The following MAP3K9 variants were observed in gnomAD, a reference collection of about 807,000 sequenced individuals.
The protein encoded by MAP3K9 is mixed lineage kinase 1 (tyr and ser/thr specificity).
In MAP3K9, 46 loss-of-function variants were observed where a neutral mutation model predicts 95.8. That is an observed-to-expected ratio of 0.48 (90% CI 0.38 to 0.61). The LOEUF (loss-of-function observed/expected upper bound fraction) is 0.61, where lower values mean the gene tolerates loss of function less well. Among genes scored for constraint, MAP3K9 ranks in the 20% least tolerant of loss-of-function variants. MAP3K9 has a pLI of 0.00. For synonymous variants in MAP3K9, 533 were observed against 593.8 expected, an observed-to-expected ratio of 0.90 and a Z score of 1.49; for missense variants, 1,296 against 1,474.3, an observed-to-expected ratio of 0.88 and a Z score of 1.98.
intron 2 of MAP3K9, among the ~76,000 whole-genome samples, chr14:70,795,541 G>C (rs1343325522): frequency 7.3e-6 from 1 of 137,176 alleles, no homozygotes; most frequent in Non-Finnish European, 1.6e-5. Flanking sequence ...CAAACTCCTA[G>C]GCTCAAGAGA....
chr14:70,805,032 C>G lies in MAP3K9; in HGVS notation c.406+3734G>C, dbSNP rs112568085. ...CTCTCCTTCCCTTCCCTGCTCCAGT[C>G]AAGACCTGGTTTTAAGTAAGAATCA... On this transcript the variant is annotated intron_variant, in intron 1 of 11. Transcript: ENST00000554752. Among the ~76,000 whole-genome samples the G allele has an allele frequency of 4.0e-3, 614 of 152,302 alleles. 2 individuals are homozygous for G. The highest frequency in any genetic ancestry group is 6.6e-3 in the South Asian group (32 of 4,824).
At chr14:70,743,180 GT>G (rs2054100128) in intron 5 of MAP3K9, among the ~76,000 whole-genome samples, 1 of 151,878 alleles carries the variant, frequency 6.6e-6, no homozygotes, top group Non-Finnish European at 1.5e-5. Flanking sequence ...TAGAGATTAG[GT>G]TTTACCATGT....
rs1017260225 is a variant in MAP3K9 at position 70,749,965 on chromosome 14, G to A, written c.1118C>T (p.Thr373Met). The A allele has an allele frequency of 2.5e-5, 40 of 1,614,088 alleles. No homozygotes were observed. Among genetic ancestry groups the A allele is most frequent in the Middle Eastern group, 1.6e-4 (1 of 6,084 alleles). The change falls in exon 4 of 12, where the codon ACG (threonine) becomes ATG (methionine). Residue 373 changes from threonine to methionine, a missense_variant. Around this residue, in one of 5 missense-constraint regions of MAP3K9, gnomAD observed 136 missense variants for 221.5 expected, o/e 0.61. Coordinates refer to ENST00000554752, the MANE Select transcript of MAP3K9 (RefSeq NM_001284230.2). The stretch of plus-strand genomic sequence containing the variant: ...GAGTTTGGCAAAAGGTTCTGGGCAC[G>A]TAGAAGGAATAGGAAGGGCGAGTTT... ...MNKLALPIPS[T>M]CPEPFAKLME...
intron 3 of MAP3K9, 94 bp downstream of exon 3, chr14:70,760,908 G>A (rs2054364624): frequency 7.3e-7 from 1 of 1,377,422 alleles, no homozygotes; most frequent in Admixed American, 1.9e-5. Flanking sequence ...TCAGGTGCCT[G>A]GGATCCTAGG....
intron 2 of MAP3K9, among the ~76,000 whole-genome samples, chr14:70,799,031 T>A (rs2054898705): frequency 6.6e-6 from 1 of 152,222 alleles, no homozygotes; most frequent in African/African-American, 2.4e-5. Context: ...TGTATATGCA[T>A]AAACCAGATA....
chr14:70,730,340 C>T lies in MAP3K9; in HGVS notation c.*40G>A, dbSNP rs2053877346. The T allele has an allele frequency of 6.4e-7, 1 of 1,573,684 alleles. No homozygotes were observed. The highest frequency in any genetic ancestry group is 1.2e-5 in the South Asian group (1 of 85,496). On this transcript the variant is annotated 3_prime_UTR_variant, in exon 12 of 12. Transcript: ENST00000554752. ...CTGTGCCCGCCAGCTCCCCTCATCT[C>T]CGCTGGCTGTCCCCCTTGCCCGCCC...
At chr14:70,808,705 C>A in intron 1 of MAP3K9, 61 bp downstream of exon 1, 2 of 898,876 alleles carry the variant, frequency 2.2e-6, no homozygotes, top group Non-Finnish European at 2.9e-6. Context: ...TCCCCCCTTC[C>A]CCGACCGCCC....
intron 1 of MAP3K9, among the ~76,000 whole-genome samples, chr14:70,807,898 G>A (rs1475897803): frequency 6.6e-6 from 1 of 152,234 alleles, no homozygotes; most frequent in Non-Finnish European, 1.5e-5. Context: ...CCAGGACACT[G>A]GGAGAAAGGC....
chr14:70,786,566 AC>A (rs1209083986), intron 2 of MAP3K9, among the ~76,000 whole-genome samples: 1 of 152,170 alleles, frequency 6.6e-6, no homozygotes. Context: ...TTGGGACCTT[AC>A]AAGGAAATTG....
At chr14:70,750,563 C>T (rs539571049) in intron 3 of MAP3K9, among the ~76,000 whole-genome samples, 1 of 152,284 alleles carries the variant, frequency 6.6e-6, no homozygotes, top group African/African-American at 2.4e-5. Context: ...CGGCTCACTG[C>T]AACCTCCATC....
intron 3 of MAP3K9, among the ~76,000 whole-genome samples, chr14:70,753,877 C>G (rs1221055403): frequency 6.6e-6 from 1 of 152,104 alleles, no homozygotes; most frequent in East Asian, 1.9e-4. Flanking sequence ...GGACAGCTAC[C>G]TTTCTTGACA....
At chr14:70,791,236 C>T (rs892428032) in intron 2 of MAP3K9, among the ~76,000 whole-genome samples, 9 of 152,202 alleles carry the variant, frequency 5.9e-5, no homozygotes. Context: ...GAACTCAACC[C>T]CTCACCAAGG....
At chr14:70,769,617 G>C (rs2054504020) in intron 2 of MAP3K9, among the ~76,000 whole-genome samples, 1 of 152,204 alleles carries the variant, frequency 6.6e-6, no homozygotes, top group Admixed American at 6.5e-5. Context: ...AAAGGTTCCA[G>C]GGAAGGATCC....
At chr14:70,739,429 C>T (rs759229368) in intron 7 of MAP3K9, among the ~76,000 whole-genome samples, 2 of 151,616 alleles carry the variant, frequency 1.3e-5, no homozygotes, top group East Asian at 1.9e-4. Context: ...CATGCCCAGC[C>T]GAAATCTTGG....
At chr14:70,739,264 G>A (rs765824419) in intron 7 of MAP3K9, among the ~76,000 whole-genome samples, 3 of 152,084 alleles carry the variant, frequency 2.0e-5, no homozygotes, top group Admixed American at 6.5e-5. Context: ...CAAGTAGCTC[G>A]GACTACAGAT....
chr14:70,759,640 G>A (rs1469655512), intron 3 of MAP3K9, among the ~76,000 whole-genome samples: 2 of 152,162 alleles, frequency 1.3e-5, no homozygotes, highest in Non-Finnish European at 2.9e-5. Flanking sequence ...ATAAAAGCAC[G>A]CACTTCTGTT....
intron 7 of MAP3K9, among the ~76,000 whole-genome samples, chr14:70,738,947 C>T (rs74065418): frequency 0.011 from 1,612 of 152,222 alleles, 21 homozygotes; most frequent in African/African-American, 0.036. Flanking sequence ...GGTTGAGACC[C>T]AAATGCCCCA....
chr14:70,804,760 C>T (rs1205537500), intron 1 of MAP3K9, among the ~76,000 whole-genome samples: 1 of 152,096 alleles, frequency 6.6e-6, no homozygotes, highest in East Asian at 1.9e-4. Flanking sequence ...CTCTAAAAAC[C>T]TCTGCAGGGA....
rs10148854 is a variant in MAP3K9 at position 70,808,024 on chromosome 14, A to G, written c.406+742T>C. ...TATTTCCCAAACAGCCTCACTGTCA[A>G]AGGACTGGGATTCAGCCACTGTACC... On this transcript the variant is annotated intron_variant, in intron 1 of 11. Transcript: ENST00000554752. Among the ~76,000 whole-genome samples the G allele has an allele frequency of 3.0e-3, 450 of 152,318 alleles. 1 individual carries two copies. Among genetic ancestry groups the G allele is most frequent in the African/African-American group, 0.01 (424 of 41,566 alleles).
Sources: gnomAD v4.1 joint callset for allele counts (sites outside exome capture counted in the v4.1 genomes callset) on GRCh38, gnomAD v4.1.1 for gene constraint, gnomAD v4.1.1 regional missense constraint, MANE v1.5 for transcripts, NCBI Gene and HGNC (gene_info 2026-07-23, HGNC 2026-07-21) for gene names.